XYLT1: variants seen among roughly 807,000 people sequenced by gnomAD.
XYLT1 encodes xylosyltransferase 1, also known as beta-D-xylosyltransferase 1.
In XYLT1, 36 loss-of-function variants were observed where a neutral mutation model predicts 91.3. The ratio of observed to expected loss-of-function variants is 0.39; its 90% CI spans 0.30 to 0.52. The LOEUF (loss-of-function observed/expected upper bound fraction) is 0.52. Among genes scored for constraint, XYLT1 ranks in the 20% least tolerant of loss-of-function variants. XYLT1 has a pLI of 0.68. For missense variants in XYLT1, 1,242 were observed against 1,284.5 expected (o/e 0.97, Z 0.51); for synonymous variants, 588 against 532.0 (o/e 1.11, Z -1.45).
At chr16:17,331,143 G>A (rs2034892888) in intron 2 of XYLT1, among the ~76,000 whole-genome samples, 1 of 152,234 alleles carries the variant, frequency 6.6e-6, no homozygotes, top group Non-Finnish European at 1.5e-5. Flanking sequence ...GCACAGGCGA[G>A]GCCGCCTCTA....
At chr16:17,137,280 C>G (rs543596915) in intron 8 of XYLT1, among the ~76,000 whole-genome samples, 1 of 152,250 alleles carries the variant, frequency 6.6e-6, no homozygotes, top group East Asian at 1.9e-4. Flanking sequence ...TGATGTCTGC[C>G]CCAGTAAAGC....
At chr16:17,277,177 T>A (rs2045497) in intron 2 of XYLT1, among the ~76,000 whole-genome samples, 16,788 of 152,206 alleles carry the variant, frequency 0.11, 956 homozygotes, top group Middle Eastern at 0.13. Context: ...ATGTTGGGCA[T>A]CTGTTATCTA....
At chr16:17,182,718 G>A (rs1043333205) in intron 5 of XYLT1, among the ~76,000 whole-genome samples, 6 of 151,112 alleles carry the variant, frequency 4.0e-5, no homozygotes, top group South Asian at 2.1e-4. Context: ...AGGGACAGAA[G>A]CCATTCCTTT....
intron 1 of XYLT1, among the ~76,000 whole-genome samples, chr16:17,399,335 A>G (rs2035933999): frequency 6.6e-6 from 1 of 152,188 alleles, no homozygotes; most frequent in Admixed American, 6.5e-5. Context: ...GCAGAATGAG[A>G]GTCCCCAGAG....
At chr16:17,441,504 C>A (rs2036531891) in intron 1 of XYLT1, among the ~76,000 whole-genome samples, 1 of 152,190 alleles carries the variant, frequency 6.6e-6, no homozygotes, top group Admixed American at 6.5e-5. Context: ...ACTGCCTCTG[C>A]TCTTCTGTCC....
intron 3 of XYLT1, among the ~76,000 whole-genome samples, chr16:17,243,287 T>A (rs536382317): frequency 6.6e-6 from 1 of 152,342 alleles, no homozygotes; most frequent in African/African-American, 2.4e-5. Flanking sequence ...ATGGTCAGTT[T>A]ATGAAAAGCC....
intron 2 of XYLT1, among the ~76,000 whole-genome samples, chr16:17,288,255 G>A (rs760380281): frequency 4.4e-4 from 67 of 150,980 alleles, no homozygotes; most frequent in Non-Finnish European, 1.9e-4. Context: ...GGTGGGGGCC[G>A]GTAACAGTTA....
intron 3 of XYLT1, among the ~76,000 whole-genome samples, chr16:17,214,551 G>C (rs976206212): frequency 6.6e-6 from 1 of 152,088 alleles, no homozygotes; most frequent in African/African-American, 2.4e-5. Context: ...GGTGTTTTAC[G>C]CCACTAAGTT....
intron 5 of XYLT1, among the ~76,000 whole-genome samples, chr16:17,187,825 C>T (rs909568209): frequency 6.6e-6 from 1 of 151,990 alleles, no homozygotes; most frequent in Non-Finnish European, 1.5e-5. Context: ...GAGGGGTCTC[C>T]ACCATATTCT....
intron 5 of XYLT1, among the ~76,000 whole-genome samples, chr16:17,160,677 G>C (rs1171932375): frequency 1.3e-5 from 2 of 152,092 alleles, no homozygotes; most frequent in Non-Finnish European, 2.9e-5. Context: ...GGGGATGCTC[G>C]CAAAGGGCTA....
At chr16:17,219,280 CA>C (rs369055155) in intron 3 of XYLT1, among the ~76,000 whole-genome samples, 3,690 of 84,906 alleles carry the variant, frequency 0.043, 33 homozygotes, top group African/African-American at 0.073. Flanking sequence ...GACTTTGTCT[CA>C]AAAAAAAAAA....
chr16:17,258,775 T>A (rs1263534534), intron 3 of XYLT1, among the ~76,000 whole-genome samples: 1 of 152,086 alleles, frequency 6.6e-6, no homozygotes, highest in African/African-American at 2.4e-5. Context: ...TTAAAGCACC[T>A]ACAAAAGGTA....
intron 6 of XYLT1, among the ~76,000 whole-genome samples, chr16:17,145,574 G>A (rs954782320): frequency 1.3e-5 from 2 of 152,224 alleles, no homozygotes; most frequent in African/African-American, 4.8e-5. Flanking sequence ...GGAAATAGGA[G>A]ACAGAAAGAC....
At chr16:17,144,382 G>A (rs997577501) in intron 6 of XYLT1, among the ~76,000 whole-genome samples, 1 of 152,174 alleles carries the variant, frequency 6.6e-6, no homozygotes, top group African/African-American at 2.4e-5. Flanking sequence ...GTCTGACTGG[G>A]CAAATATGAT....
intron 11 of XYLT1, among the ~76,000 whole-genome samples, chr16:17,115,798 A>AT (rs1221836870): frequency 1.6e-4 from 18 of 115,360 alleles, no homozygotes; most frequent in Non-Finnish European, 2.5e-4. Flanking sequence ...CCTCTGTTAT[A>AT]TTAAAAAAAA....
At chr16:17,376,442 C>T (rs1352551048) in intron 1 of XYLT1, among the ~76,000 whole-genome samples, 1 of 152,190 alleles carries the variant, frequency 6.6e-6, no homozygotes, top group Non-Finnish European at 1.5e-5. Context: ...AACTAGAAGC[C>T]AGTGCTCAAG....
chr16:17,225,173 A>ACTCTCTCTCTCTCT (rs761445257), intron 3 of XYLT1, among the ~76,000 whole-genome samples: 3 of 100,764 alleles, frequency 3.0e-5, no homozygotes, highest in African/African-American at 1.2e-4. Flanking sequence ...ACACACACAC[A>ACTCTCTCTCTCTCT]CACACTCTCT....
intron 1 of XYLT1, among the ~76,000 whole-genome samples, chr16:17,375,340 A>C (rs2035584898): frequency 6.6e-6 from 1 of 152,042 alleles, no homozygotes. Context: ...AACTCACCCA[A>C]AATCCCCCAG....
intron 7 of XYLT1, among the ~76,000 whole-genome samples, chr16:17,139,101 GGGATCTGAGAAAGAGGCCATGTT>G (rs1372399442): frequency 2.0e-5 from 3 of 152,190 alleles, no homozygotes; most frequent in African/African-American, 7.2e-5. Context: ...ACTGCTTTAA[GGGATCTGAGAAAGAGGCCATGTT>G]GGATCTGAAA....
Sources: gnomAD v4.1 joint callset for allele counts (sites outside exome capture counted in the v4.1 genomes callset) on GRCh38, gnomAD v4.1.1 for gene constraint, MANE v1.5 for transcripts, NCBI Gene and HGNC (gene_info 2026-07-23, HGNC 2026-07-21) for gene names.